The following MEGF11 variants were observed in gnomAD, a reference collection of about 807,000 sequenced individuals.
MEGF11 encodes the protein multiple EGF like domains 11.
MEGF11 carries 126 observed loss-of-function variants against 146.6 expected under a neutral mutation model. That is an observed-to-expected ratio of 0.86 (90% CI 0.74 to 1.00). The LOEUF is 1.00. Among genes scored for constraint, MEGF11 ranks in the 50% least tolerant of loss-of-function variants. The pLI is 0.00. For synonymous variants in MEGF11, 532 were observed against 583.4 expected (o/e 0.91, Z 1.27); for missense variants, 1,509 against 1,521.2 (o/e 0.99, Z 0.13).
intron 10 of MEGF11, among the ~76,000 whole-genome samples, chr15:65,946,343 C>G (rs1188030677): frequency 6.6e-6 from 1 of 152,242 alleles, no homozygotes; most frequent in Non-Finnish European, 1.5e-5. Flanking sequence ...GTTTCCCTGA[C>G]TCAAAGTCCA....
rs567696056 is a variant in MEGF11 at position 65,936,676 on chromosome 15, T to C, written c.1288-5733A>G. The stretch of plus-strand genomic sequence containing the variant: ...CCAGGTATGTTTCTTTGTCCACTTA[T>C]TTACTCTCTGCCTCTCCCAGAGAGA... On this transcript the variant is annotated intron_variant, in intron 10 of 25. Coordinates refer to ENST00000395614, the MANE Select transcript of MEGF11 (RefSeq NM_001385028.1). Among the ~76,000 whole-genome samples, 3 of 152,308 alleles carry C rather than the reference T, an allele frequency of 2.0e-5. No individual in the cohort carries two copies. In the East Asian group the frequency reaches 5.8e-4, roughly 29 times the overall value.
chr15:65,947,489 G>A (rs2080242222), intron 10 of MEGF11, among the ~76,000 whole-genome samples: 1 of 152,148 alleles, frequency 6.6e-6, no homozygotes, highest in African/African-American at 2.4e-5. Flanking sequence ...GTGCAAAGTG[G>A]GGATGCTACA....
At chr15:66,191,718 T>C (rs1034095342) in intron 1 of MEGF11, among the ~76,000 whole-genome samples, 5 of 152,120 alleles carry the variant, frequency 3.3e-5, no homozygotes, top group African/African-American at 1.2e-4. Flanking sequence ...GGAATGACAC[T>C]GTCTTATCTT....
At chr15:65,908,408 T>C (rs1013085002) in intron 23 of MEGF11, among the ~76,000 whole-genome samples, 1 of 152,168 alleles carries the variant, frequency 6.6e-6, no homozygotes, top group Admixed American at 6.5e-5. Flanking sequence ...CTTCTGTAAC[T>C]CCTACCCACA....
intron 5 of MEGF11, among the ~76,000 whole-genome samples, chr15:66,028,521 T>C (rs1055897803): frequency 1.3e-5 from 2 of 152,252 alleles, no homozygotes; most frequent in Admixed American, 6.5e-5. Context: ...TCATTCACTT[T>C]GACCCAGTAA....
At chr15:66,033,200 A>G (rs1343916931) in intron 5 of MEGF11, among the ~76,000 whole-genome samples, 2 of 151,944 alleles carry the variant, frequency 1.3e-5, no homozygotes, top group East Asian at 3.9e-4. Context: ...TGGCCAAGAG[A>G]TTGTTTGCTG....
At chr15:66,232,132 G>T (rs760921039) in intron 1 of MEGF11, among the ~76,000 whole-genome samples, 14 of 152,210 alleles carry the variant, frequency 9.2e-5, no homozygotes, top group African/African-American at 2.4e-4. Flanking sequence ...TCGGCAGGCA[G>T]CCTAGGCCAG....
At chr15:66,119,674 C>A (rs74021623) in intron 3 of MEGF11, among the ~76,000 whole-genome samples, 2 of 152,038 alleles carry the variant, frequency 1.3e-5, no homozygotes, top group East Asian at 1.9e-4. Flanking sequence ...GCAAAAGGAC[C>A]CTTTGAGTCC....
At chr15:66,137,284 C>T (rs1490691789) in intron 1 of MEGF11, among the ~76,000 whole-genome samples, 1 of 152,136 alleles carries the variant, frequency 6.6e-6, no homozygotes, top group Non-Finnish European at 1.5e-5. Context: ...TTACAAAGAG[C>T]ATTATCATCA....
chr15:66,234,059 C>T (rs1207722278), intron 1 of MEGF11, among the ~76,000 whole-genome samples: 7 of 151,532 alleles, frequency 4.6e-5, no homozygotes, highest in South Asian at 2.1e-4. Context: ...CCTCAGCCTC[C>T]GGCTGATTTC....
chr15:66,193,276 T>C (rs890196379), intron 1 of MEGF11, among the ~76,000 whole-genome samples: 1 of 152,224 alleles, frequency 6.6e-6, no homozygotes, highest in African/African-American at 2.4e-5. Flanking sequence ...TGAAGCTGAC[T>C]CCTTTGTGTT....
intron 10 of MEGF11, among the ~76,000 whole-genome samples, chr15:65,943,035 G>A (rs897943257): frequency 7.3e-6 from 1 of 136,692 alleles, no homozygotes; most frequent in African/African-American, 2.8e-5. Context: ...TGCCCAGGCT[G>A]GAGTAAAGTG....
intron 10 of MEGF11, among the ~76,000 whole-genome samples, chr15:65,936,390 T>C (rs1368105971): frequency 6.6e-6 from 1 of 152,194 alleles, no homozygotes; most frequent in Non-Finnish European, 1.5e-5. Context: ...TGGTACATAA[T>C]GGATCCTTGA....
chr15:66,009,796 G>A lies in MEGF11; in HGVS notation c.395-27308C>T, dbSNP rs545385371. ...TTTTTAGTAGAGGCGGGGTTTCATC[G>A]TGTTAGCCAGGATGGTCTCGATCTC... On this transcript the variant is annotated intron_variant, in intron 5 of 25. Coordinates refer to ENST00000395614, the MANE Select transcript of MEGF11 (RefSeq NM_001385028.1). Among the ~76,000 whole-genome samples, 41 of 151,964 alleles carry A rather than the reference G, an allele frequency of 2.7e-4. No homozygotes were observed. The South Asian group carries it at 8.1e-3, about 30-fold the overall frequency.
chr15:65,962,001 G>A (rs1057249161), intron 9 of MEGF11, among the ~76,000 whole-genome samples: 2 of 152,122 alleles, frequency 1.3e-5, no homozygotes, highest in South Asian at 2.1e-4. Flanking sequence ...GAAGAAGGAC[G>A]TATATCTTAT....
chr15:66,129,291 G>A (rs2088539367), intron 1 of MEGF11, among the ~76,000 whole-genome samples: 1 of 152,250 alleles, frequency 6.6e-6, no homozygotes. Flanking sequence ...TCCTGCCTCA[G>A]AGAACTTCCA....
chr15:66,094,354 A>G, intron 5 of MEGF11, 48 bp downstream of exon 5: 1 of 1,493,572 alleles, frequency 6.7e-7, no homozygotes, highest in Non-Finnish European at 9.1e-7. Context: ...CCACTCCCCT[A>G]CCAAGTCAGA....
At chr15:66,243,278 G>C (rs2140245144) in intron 1 of MEGF11, among the ~76,000 whole-genome samples, 1 of 152,308 alleles carries the variant, frequency 6.6e-6, no homozygotes, top group East Asian at 1.9e-4. Context: ...TGCCCATGGT[G>C]TTTCCCAGAA....
At chr15:66,068,064 T>C (rs1482888635) in intron 5 of MEGF11, among the ~76,000 whole-genome samples, 1 of 152,214 alleles carries the variant, frequency 6.6e-6, no homozygotes, top group Non-Finnish European at 1.5e-5. Context: ...TTAAGGGTTG[T>C]TGAGGATCAA....
Sources: gnomAD v4.1 joint callset for allele counts (sites outside exome capture counted in the v4.1 genomes callset) on GRCh38, gnomAD v4.1.1 for gene constraint, MANE v1.5 for transcripts, NCBI Gene and HGNC (gene_info 2026-07-23, HGNC 2026-07-21) for gene names.